Variants in LRRIQ1 observed in about 807,000 individuals in gnomAD.
LRRIQ1 encodes leucine-rich repeat- and IQ domain-containing protein 1.
Under a neutral mutation model 211.9 loss-of-function variants are expected in LRRIQ1, and 210 were observed. That is an observed-to-expected ratio of 0.99 (90% CI 0.89 to 1.11). The LOEUF is 1.11. Ranked by LOEUF, LRRIQ1 falls within the 50% of genes most tolerant of loss-of-function variation. The pLI is 0.00. For missense variants in LRRIQ1, 2,136 were observed against 1,939.5 expected (o/e 1.10, Z -1.90); for synonymous variants, 699 against 650.1 (o/e 1.08, Z -1.14).
Position 85,056,567 on chromosome 12 carries a change from C to T in LRRIQ1, c.1774C>T (p.Gln592Ter), listed in dbSNP as rs1257618842. 2 of 1,602,382 alleles carry T rather than the reference C, an allele frequency of 1.2e-6. No homozygotes were observed. Among genetic ancestry groups the T allele is most frequent in the South Asian group, 2.2e-5 (2 of 89,170 alleles). ...KIQKVEKEEIQEQNGLLYKDK... is the reference protein window; with the variant it reads ...KIQKVEKEEI ...ACAAAAAGTAGAAAAAGAAGAGATA[C>T]AAGAACAGAATGGATTATTATATAA... The change falls in exon 8 of 27, where the codon CAA (glutamine) becomes TAA (stop). Residue 592 changes from glutamine to a stop codon, truncating the protein, a stop_gained. Transcript: ENST00000393217. LOFTEE classifies it high-confidence loss of function.
intron 11 of LRRIQ1, among the ~76,000 whole-genome samples, chr12:85,090,744 T>G (rs1287779782): frequency 1.3e-5 from 2 of 152,230 alleles, no homozygotes; most frequent in Non-Finnish European, 2.9e-5. Flanking sequence ...GGGACTTGCC[T>G]TATCTCAGAT....
At chr12:85,183,811 T>C (rs185605901) in intron 24 of LRRIQ1, among the ~76,000 whole-genome samples, 5 of 152,248 alleles carry the variant, frequency 3.3e-5, no homozygotes, top group Non-Finnish European at 5.9e-5. Context: ...CCTGAGCATG[T>C]CTTAAAGATG....
chr12:85,122,155 T>G (rs968967584), intron 16 of LRRIQ1, among the ~76,000 whole-genome samples: 1 of 152,156 alleles, frequency 6.6e-6, no homozygotes. Context: ...AAATTCATAA[T>G]TATTCAGTCA....
chr12:85,113,907 T>TTGTG (rs71076112), intron 15 of LRRIQ1, among the ~76,000 whole-genome samples: 8,157 of 140,894 alleles, frequency 0.058, 461 homozygotes, highest in African/African-American at 0.14. Context: ...CAAATGAGTT[T>TTGTG]TGTGTGTGTG....
intron 22 of LRRIQ1, 91 bp from the exon 23 acceptor site, chr12:85,153,921 A>G (rs1216011125): frequency 4.1e-6 from 4 of 970,390 alleles, no homozygotes; most frequent in East Asian, 2.8e-5. Context: ...TTAGTATGCT[A>G]TAATTCAGAT....
Position 85,160,728 on chromosome 12 carries a change from A to G in LRRIQ1, c.4822+14A>G, listed in dbSNP as rs749299961. ...GTTACTTTGAAGGTATGGCTTAATA[A>G]CAGATACATAGAGAGGTAAAAAGAT... is the stretch of plus-strand genomic sequence containing the variant. On this transcript the variant is annotated intron_variant, in intron 24 of 26. Transcript: ENST00000393217. 3 of 1,416,530 alleles carry G rather than the reference A, an allele frequency of 2.1e-6. No homozygotes were observed. The highest frequency in any genetic ancestry group is 2.3e-5 in the East Asian group (1 of 43,610). The allele number at this position is 1,416,530 out of a possible 1,614,324, so 87.7% of individuals were successfully genotyped here.
intron 24 of LRRIQ1, among the ~76,000 whole-genome samples, chr12:85,222,199 T>A (rs376466364): frequency 4.6e-5 from 7 of 152,150 alleles, no homozygotes; most frequent in African/African-American, 1.7e-4. Context: ...TGGATATATG[T>A]GAGGGGTCTT....
Position 85,121,808 on chromosome 12 carries a change from C to T in LRRIQ1, c.3489C>T (p.Phe1163=), listed in dbSNP as rs774523006. 31 of 1,607,184 alleles carry T rather than the reference C, an allele frequency of 1.9e-5. No homozygotes were observed. The South Asian group carries it at 3.3e-4, about 17-fold the overall frequency. ...EEHNQLGSAG[F]LALCQSQIRE... ...ACAATCAACTGGGATCAGCAGGTTT[C>T]CTGGCACTTTGTCAGTCTCAGATTC... The change falls in exon 16 of 27, where the codon TTC becomes TTT. Residue 1163 remains phenylalanine (F), a synonymous_variant. Coordinates refer to ENST00000393217, the MANE Select transcript of LRRIQ1 (RefSeq NM_001079910.2).
intron 25 of LRRIQ1, among the ~76,000 whole-genome samples, chr12:85,230,030 G>A (rs1225203149): frequency 6.6e-6 from 1 of 151,988 alleles, no homozygotes; most frequent in African/African-American, 2.4e-5. Context: ...CAACCCTGTG[G>A]CTGTCACTTT....
At chr12:85,064,135 A>G (rs981137222) in intron 8 of LRRIQ1, among the ~76,000 whole-genome samples, 3 of 151,924 alleles carry the variant, frequency 2.0e-5, no homozygotes, top group Middle Eastern at 6.8e-3. Flanking sequence ...GTACTAATTC[A>G]CATTCCCACC....
chr12:85,272,114 AG>A, the LRRIQ1 span, among the ~76,000 whole-genome samples: 1 of 152,316 alleles, frequency 6.6e-6, no homozygotes, highest in East Asian at 1.9e-4. Flanking sequence ...GTGATCCAGT[AG>A]TTAGAGATGC....
At chr12:85,196,198 C>T (rs1312733685) in intron 24 of LRRIQ1, among the ~76,000 whole-genome samples, 7 of 152,126 alleles carry the variant, frequency 4.6e-5, no homozygotes, top group East Asian at 1.9e-4. Flanking sequence ...AATGGAAGAA[C>T]ATACCATGCT....
intron 13 of LRRIQ1, among the ~76,000 whole-genome samples, chr12:85,102,765 A>G (rs1355035186): frequency 1.3e-5 from 2 of 151,148 alleles, no homozygotes; most frequent in African/African-American, 4.9e-5. Context: ...AGAAATAAAG[A>G]GGTAAAGGAC....
intron 24 of LRRIQ1, among the ~76,000 whole-genome samples, chr12:85,224,550 A>G (rs998835904): frequency 3.3e-5 from 5 of 152,172 alleles, no homozygotes; most frequent in African/African-American, 1.2e-4. Context: ...AATACTATGC[A>G]GCCATCAAAA....
chr12:85,096,091 T>C (rs1022053456), intron 11 of LRRIQ1, among the ~76,000 whole-genome samples: 13 of 152,172 alleles, frequency 8.5e-5, no homozygotes, highest in Admixed American at 6.6e-5. Flanking sequence ...ATTTATCTTG[T>C]TTATCCTTTC....
intron 17 of LRRIQ1, among the ~76,000 whole-genome samples, chr12:85,125,667 T>G (rs1888325514): frequency 6.6e-6 from 1 of 152,166 alleles, no homozygotes; most frequent in African/African-American, 2.4e-5. Context: ...TTTGATATGC[T>G]GAAACTAACT....
In LRRIQ1 at chr12:85,201,358, A is replaced by G. The variant is rs186719907; in HGVS notation, c.4823-28159A>G. On this transcript the variant is annotated intron_variant, in intron 24 of 26. Coordinates refer to ENST00000393217, the MANE Select transcript of LRRIQ1 (RefSeq NM_001079910.2). ...CATCAATTTTTTTCAAATAGTTTCA[A>G]TATAAATGATACCAGCTCTTCTTTT... Among the ~76,000 whole-genome samples the G allele has an allele frequency of 4.0e-5, 6 of 151,644 alleles. No individual in the cohort carries two copies. The East Asian group carries it at 9.7e-4, about 25-fold the overall frequency.
intron 26 of LRRIQ1, among the ~76,000 whole-genome samples, chr12:85,235,455 A>G (rs920679776): frequency 3.9e-5 from 6 of 152,190 alleles, no homozygotes; most frequent in South Asian, 2.1e-4. Flanking sequence ...TTCAATAGAG[A>G]TGCATCAAAG....
chr12:85,085,012 A>G (rs557393611), intron 11 of LRRIQ1, among the ~76,000 whole-genome samples: 4 of 152,320 alleles, frequency 2.6e-5, no homozygotes, highest in African/African-American at 4.8e-5. Flanking sequence ...TATAATGCCA[A>G]AAAGCATCCA....
Sources: gnomAD v4.1 joint callset for allele counts (sites outside exome capture counted in the v4.1 genomes callset) on GRCh38, gnomAD v4.1.1 for gene constraint, MANE v1.5 for transcripts, NCBI Gene and HGNC (gene_info 2026-07-23, HGNC 2026-07-21) for gene names.